Variants in LSS observed in about 807,000 individuals in gnomAD.
LSS encodes lanosterol synthase.
A neutral mutation model predicts 110.3 loss-of-function variants in LSS; 90 were observed. That is an observed-to-expected ratio of 0.82 (90% confidence interval 0.69 to 0.97). The LOEUF (loss-of-function observed/expected upper bound fraction) is 0.97. LSS is among the 50% of genes least tolerant of loss of function. LSS has a pLI of 0.00. For synonymous variants in LSS, 433 were observed against 400.0 expected, an observed-to-expected ratio of 1.08 and a Z score of -0.98; for missense variants, 927 against 990.0, an observed-to-expected ratio of 0.94 and a Z score of 0.85.
At chr21:46,223,645 G>C (rs957309217) in intron 3 of LSS, among the ~76,000 whole-genome samples, 8 of 152,220 alleles carry the variant, frequency 5.3e-5, no homozygotes, top group African/African-American at 1.7e-4. Context: ...TTAGTTTGTA[G>C]TAATTACTCT....
rs764352769 is a variant in LSS at position 46,213,784 on chromosome 21, A to T, written c.1063T>A (p.Ser355Thr). 15 of 1,613,980 alleles carry T rather than the reference A, an allele frequency of 9.3e-6. No homozygotes were observed. Among genetic ancestry groups the T allele is most frequent in the Non-Finnish European group, 2.5e-6 (3 of 1,180,014 alleles). ...LVRWYVDGPA[S>T]TAFQEHVSRI... ...GAGACATGCTCCTGGAAGGCAGTGG[A>T]GGCGGGCCCGTCCACATACCAGCGC... The change falls in exon 10 of 22, where the codon TCC becomes ACC. Residue 355 changes from serine (S) to threonine (T), a missense_variant. Ser to Thr is a moderately conservative substitution (Grantham distance 58, BLOSUM62 1). Transcript: ENST00000397728.
intron 1 of LSS, 33 bp from the exon 2 acceptor site, chr21:46,228,632 C>G: frequency 6.3e-7 from 1 of 1,593,246 alleles, no homozygotes; most frequent in South Asian, 1.1e-5. Context: ...GACCCAGGCC[C>G]CGCCCCAACG....
chr21:46,215,884 C>T lies in LSS; in HGVS notation c.784-91G>A, dbSNP rs528298168. The stretch of plus-strand genomic sequence containing the variant: ...GGGGTGGCCTCCCACCATCCGCCCT[C>T]AGGGCCCTGGGCCAGTCCCTTCCTG... On this transcript the variant is annotated intron_variant, in intron 7 of 21. Coordinates refer to ENST00000397728, the MANE Select transcript of LSS (RefSeq NM_002340.6). 27 of 838,128 alleles carry T rather than the reference C, an allele frequency of 3.2e-5. No individual in the cohort carries two copies. The South Asian group carries it at 4.0e-4, about 12-fold the overall frequency. The allele number at this position is 838,128 out of a possible 1,614,324, so 51.9% of individuals were successfully genotyped here.
At chr21:46,200,117 A>T (rs1033702300) in intron 17 of LSS, among the ~76,000 whole-genome samples, 3 of 152,238 alleles carry the variant, frequency 2.0e-5, no homozygotes, top group Non-Finnish European at 2.9e-5. Context: ...AAATTTTTTT[A>T]AAAGTTTAGC....
chr21:46,191,812 A>T, intron 21 of LSS, 69 bp downstream of exon 21: 3 of 1,290,308 alleles, frequency 2.3e-6, no homozygotes, highest in Non-Finnish European at 3.3e-6. Flanking sequence ...GAGCAGGGGG[A>T]CGTGGAAACA....
chr21:46,196,146 A>C (rs529733600), intron 18 of LSS, 56 bp downstream of exon 18: 1 of 1,525,792 alleles, frequency 6.6e-7, no homozygotes, highest in Admixed American at 1.7e-5. Context: ...AGTGTGTGAG[A>C]GCAGAAACCT....
At position 46,215,196 on chromosome 21, in the gene LSS, C is replaced by T; in HGVS notation, c.995G>A (p.Ser332Asn). The change falls in exon 9 of 22, where the codon AGC (serine) becomes AAC (asparagine). Residue 332 changes from serine to asparagine, a missense_variant. Ser to Asn is a conservative substitution (Grantham distance 46, BLOSUM62 1). Transcript: ENST00000397728. ...HIVADDRFTK[S>N]ISIGPISKTI... ...GGCACTGACCGGGCCGATGCTGATG[C>T]TCTTGGTGAATCGGTCGTCGGCCAC... The T allele has an allele frequency of 6.2e-7, 1 of 1,610,592 alleles. No homozygotes were observed. Among genetic ancestry groups the T allele is most frequent in the Non-Finnish European group, 8.5e-7 (1 of 1,179,904 alleles).
At position 46,212,096 on chromosome 21, in the gene LSS, G is replaced by C. The variant is rs565198004; in HGVS notation, c.1137+929C>G. Among the ~76,000 whole-genome samples the C allele has an allele frequency of 2.0e-3, 301 of 152,312 alleles. 1 individual carries two copies. The highest frequency in any genetic ancestry group is 6.8e-3 in the African/African-American group (282 of 41,548). On this transcript the variant is annotated intron_variant, in intron 11 of 21. Transcript: ENST00000397728. ...GGACAGGGAGGGGCAGGGAGGCCAG[G>C]GCCTGCTCTAGGGCTTGCTACTCAC...
chr21:46,208,642 C>T (rs1000034682), intron 13 of LSS, among the ~76,000 whole-genome samples: 3 of 152,190 alleles, frequency 2.0e-5, no homozygotes, highest in African/African-American at 7.2e-5. Context: ...GTGCCAGGCG[C>T]CCCCAATGCC....
At chr21:46,191,304 G>T in intron 21 of LSS, 69 bp from the exon 22 acceptor site, 1 of 1,578,592 alleles carries the variant, frequency 6.3e-7, no homozygotes, top group Non-Finnish European at 8.7e-7. Context: ...CTGAACTGGA[G>T]CCCTGGCTGT....
chr21:46,198,829 C>CAAAAAA (rs35148484), intron 17 of LSS, among the ~76,000 whole-genome samples: 24 of 73,418 alleles, frequency 3.3e-4, no homozygotes, highest in South Asian at 5.6e-4. Flanking sequence ...CATCCACATG[C>CAAAAAA]AAAAAAAAAA....
In LSS at chr21:46,194,537, G is replaced by A. The variant is rs2079879207; in HGVS notation, c.1942C>T (p.Gln648Ter). 3 of 1,613,754 alleles carry A rather than the reference G, an allele frequency of 1.9e-6. No individual in the cohort carries two copies. Among genetic ancestry groups the A allele is most frequent in the Non-Finnish European group, 2.5e-6 (3 of 1,180,052 alleles). ...ERRYLQSAQS[Q>*]IHNTCWAMMG... Reference sequence around the variant, plus strand: ...ATGGCCCAGCATGTGTTATGGATCTGGGACTGGGCACTCTGCAAATAACGC... The same window carrying A: ...ATGGCCCAGCATGTGTTATGGATCTAGGACTGGGCACTCTGCAAATAACGC... Residue 648 changes from glutamine (Q) to a stop codon, truncating the protein, a stop_gained, in exon 20 of 22, where the codon CAG becomes TAG. Transcript: ENST00000397728. LOFTEE classifies it high-confidence loss of function.
intron 3 of LSS, among the ~76,000 whole-genome samples, chr21:46,226,154 C>G (rs918438240): frequency 8.8e-5 from 13 of 147,808 alleles, no homozygotes; most frequent in Admixed American, 8.8e-4. Context: ...AAAAAAAATA[C>G]AAAAAAACTC....
Position 46,215,233 on chromosome 21 carries a change from A to C in LSS, c.958T>G (p.Tyr320Asp), listed in dbSNP as rs1371736980. The stretch of plus-strand genomic sequence containing the variant: ...CGGTCGTCGGCCACAATGTGTTCAT[A>C]CAGCTTCTGCACGGCCCGCTGCCGC... The part of the protein sequence containing the change: ...HLRQRAVQKL[Y>D]EHIVADDRFT... Residue 320 changes from tyrosine to aspartate, a missense_variant, in exon 9 of 22, where the codon TAT (tyrosine) becomes GAT (aspartate). Physicochemically the swap from Tyr to Asp is radical, Grantham distance 160 (BLOSUM62 -3). Transcript: ENST00000397728. 3 of 1,611,300 alleles carry C rather than the reference A, an allele frequency of 1.9e-6. No individual in the cohort carries two copies. Among genetic ancestry groups the C allele is most frequent in the Admixed American group, 3.3e-5 (2 of 59,994 alleles).
intron 9 of LSS, 143 bp downstream of exon 9, chr21:46,215,037 T>A: frequency 2.8e-6 from 2 of 706,496 alleles, no homozygotes; most frequent in Non-Finnish European, 5.0e-6. Context: ...CAGACACTTG[T>A]GCGATCAGAG....
Position 46,189,679 on chromosome 21 carries a change from C to T in LSS, c.*1425G>A, listed in dbSNP as rs1569011733. The T allele has an allele frequency of 2.2e-6, 1 of 456,580 alleles. No homozygotes were observed. The highest frequency in any genetic ancestry group is 1.5e-5 in the South Asian group (1 of 64,574). The allele number at this position is 456,580 out of a possible 1,614,324, so 28.3% of individuals were successfully genotyped here. ...GAGGGTGTCCAGACGCAGATCTCCA[C>T]TGCCTGAGGGAGAGTGATCAGCCAG... On this transcript the variant is annotated 3_prime_UTR_variant, in exon 22 of 22. Coordinates refer to ENST00000397728, the MANE Select transcript of LSS (RefSeq NM_002340.6).
rs766611869 is a variant in LSS, at chr21:46,196,277, G to A, written c.1671-10C>T. On this transcript the variant is annotated splice_polypyrimidine_tract_variant and intron_variant, in intron 17 of 21. Transcript: ENST00000397728. ...CTGCGTGAGGGTCTCCCTGGAACAC[G>A]AGATTGGTCCAGTGAACATTCTGGT... The A allele has an allele frequency of 3.7e-6, 6 of 1,612,654 alleles. No individual in the cohort carries two copies. The highest frequency in any genetic ancestry group is 2.7e-5 in the African/African-American group (2 of 74,912).
chr21:46,211,153 G>T (rs1324674359), intron 11 of LSS, among the ~76,000 whole-genome samples: 8 of 152,052 alleles, frequency 5.3e-5, no homozygotes, highest in African/African-American at 1.9e-4. Context: ...TTGAGATGAA[G>T]TCTCGCTCTG....
At chr21:46,194,016 ATC>A (rs1405941298) in intron 20 of LSS, among the ~76,000 whole-genome samples, 3 of 152,040 alleles carry the variant, frequency 2.0e-5, no homozygotes, top group Admixed American at 6.5e-5. Context: ...CTCCATGTAC[ATC>A]TGTGTGTGCA....
Sources: gnomAD v4.1 joint callset for allele counts (sites outside exome capture counted in the v4.1 genomes callset) on GRCh38, gnomAD v4.1.1 for gene constraint, MANE v1.5 for transcripts, NCBI Gene and HGNC (gene_info 2026-07-23, HGNC 2026-07-21) for gene names.